The following C1D variants were observed in gnomAD, a reference collection of about 807,000 sequenced individuals.
The protein encoded by C1D is nuclear nucleic acid-binding protein C1D.
C1D carries 10 observed loss-of-function variants against 17.5 expected under a neutral mutation model. The observed-to-expected ratio is 0.57, with a 90% CI of 0.35 to 0.97. C1D has a LOEUF of 0.97. C1D is among the 50% of genes least tolerant of loss of function. The pLI is 0.01. For synonymous variants in C1D, 49 were observed against 54.0 expected (o/e 0.91, Z 0.40); for missense variants, 136 against 160.1 (o/e 0.85, Z 0.81).
At chr2:68,045,478 T>C (rs1671093566) in intron 4 of C1D, among the ~76,000 whole-genome samples, 1 of 152,182 alleles carries the variant, frequency 6.6e-6, no homozygotes, top group Admixed American at 6.5e-5. Context: ...AGAAGATTTA[T>C]TACAGGTTGT....
intron 4 of C1D, 97 bp from the exon 5 acceptor site, chr2:68,043,150 T>A: frequency 1.1e-6 from 1 of 882,020 alleles, no homozygotes; most frequent in Non-Finnish European, 1.7e-6. Context: ...AACATATATG[T>A]ATTTATTGCC....
At chr2:68,048,049 G>T (rs1347215436) in intron 1 of C1D, among the ~76,000 whole-genome samples, 1 of 151,706 alleles carries the variant, frequency 6.6e-6, no homozygotes, top group African/African-American at 2.4e-5. Context: ...TATTCCTTAA[G>T]CTTCTTTAAA....
chr2:68,046,782 G>A (rs1210476640), intron 2 of C1D, among the ~76,000 whole-genome samples: 2 of 152,098 alleles, frequency 1.3e-5, no homozygotes, highest in African/African-American at 2.4e-5. Context: ...TAAGAAGCAG[G>A]CTTAGGCAAT....
intron 1 of C1D, among the ~76,000 whole-genome samples, chr2:68,052,730 G>C (rs1671325788): frequency 6.6e-6 from 1 of 152,062 alleles, no homozygotes; most frequent in African/African-American, 2.4e-5. Context: ...AAAAATAAAG[G>C]CTCTTCTATT....
At chr2:68,047,139 A>T (rs1247882116) in intron 2 of C1D, 34 bp downstream of exon 2, 1 of 1,577,230 alleles carries the variant, frequency 6.3e-7, no homozygotes, top group South Asian at 1.1e-5. Context: ...TGTTTTATGA[A>T]ATTCATTTTT....
intron 1 of C1D, among the ~76,000 whole-genome samples, chr2:68,059,840 T>TCCTTTAACGACTGTCTCCGGTCTCA: frequency 6.6e-6 from 1 of 152,222 alleles, no homozygotes; most frequent in Non-Finnish European, 1.5e-5. Context: ...CTACATTTAC[T>TCCTTTAACGACTGTCTCCGGTCTCA]CCTTTAACGA....
chr2:68,060,632 G>C (rs1671598402), intron 1 of C1D, among the ~76,000 whole-genome samples: 1 of 142,258 alleles, frequency 7.0e-6, no homozygotes. Context: ...AACAGAGTGA[G>C]ACTCCAAAAG....
At chr2:68,043,097 G>T in intron 4 of C1D, 44 bp from the exon 5 acceptor site, 1 of 1,412,682 alleles carries the variant, frequency 7.1e-7, no homozygotes, top group Non-Finnish European at 9.7e-7. Flanking sequence ...TAAGCTATTC[G>T]CCACCACTGA....
intron 1 of C1D, among the ~76,000 whole-genome samples, chr2:68,055,547 A>G (rs1448929313): frequency 6.6e-6 from 1 of 152,238 alleles, no homozygotes; most frequent in Non-Finnish European, 1.5e-5. Context: ...CAAATGAAAT[A>G]CACAGACCTT....
chr2:68,049,553 G>A (rs1671224962), intron 1 of C1D, among the ~76,000 whole-genome samples: 1 of 152,238 alleles, frequency 6.6e-6, no homozygotes, highest in South Asian at 2.1e-4. Flanking sequence ...ATTAACCACA[G>A]AAAAAGAATT....
intron 1 of C1D, among the ~76,000 whole-genome samples, chr2:68,054,824 G>A (rs1671392298): frequency 6.6e-6 from 1 of 151,832 alleles, no homozygotes. Context: ...TAATTAGCTG[G>A]GCGTGATGGC....
chr2:68,052,906 T>C (rs1304237037), intron 1 of C1D, among the ~76,000 whole-genome samples: 1 of 152,214 alleles, frequency 6.6e-6, no homozygotes, highest in African/African-American at 2.4e-5. Flanking sequence ...CAGCAAACTC[T>C]TGAATAGCAC....
chr2:68,047,451 T>C (rs1422716069), intron 1 of C1D, 132 bp from the exon 2 acceptor site: 1 of 614,144 alleles, frequency 1.6e-6, no homozygotes, highest in Admixed American at 3.9e-5. Context: ...ACAAATCTTT[T>C]TAAAATTTAA....
chr2:68,053,311 C>A, intron 1 of C1D: 2 of 1,193,958 alleles, frequency 1.7e-6, no homozygotes, highest in East Asian at 2.6e-5. Context: ...GCCAAAGTAC[C>A]GATAGGAGAA....
chr2:68,061,931 T>A (rs1435340000), intron 1 of C1D, among the ~76,000 whole-genome samples: 1 of 152,246 alleles, frequency 6.6e-6, no homozygotes, highest in Non-Finnish European at 1.5e-5. Flanking sequence ...TTCACACTTG[T>A]CACTATCTTT....
Position 68,041,221 on chromosome 2 carries a change from TGAAA to T in C1D, c.*1664_*1667del, listed in dbSNP as rs1029876383. ...TCAAACTTTTATTTCTACCTAATAATGAAAGAATTACTCACTTAAAAGTTACACA... is the reference window on the plus strand; with the variant it reads ...TCAAACTTTTATTTCTACCTAATAATGAATTACTCACTTAAAAGTTACACA... On this transcript the variant is annotated 3_prime_UTR_variant, in exon 5 of 5. Coordinates refer to ENST00000410067, the MANE Select transcript of C1D (RefSeq NM_173177.3). 31 of 152,128 alleles carry T rather than the reference TGAAA, an allele frequency of 2.0e-4. No individual in the cohort carries two copies. The highest frequency in any genetic ancestry group is 7.2e-4 in the African/African-American group (30 of 41,568). The allele number at this position is 152,128 out of a possible 1,614,324, so 9.4% of individuals were successfully genotyped here. A position where few individuals can be genotyped will look rare whatever the true frequency, so the allele number is the denominator to read the frequency against.
At position 68,042,284 on chromosome 2, in the gene C1D, T is replaced by C. The variant is rs1422843411; in HGVS notation, c.*605A>G. ...CATCAACATACAACCTTATTTCCCATCTAAAGTTAATGAGAATGTATTTTA... is the reference window on the plus strand; with the variant it reads ...CATCAACATACAACCTTATTTCCCACCTAAAGTTAATGAGAATGTATTTTA... On this transcript the variant is annotated 3_prime_UTR_variant, in exon 5 of 5. Transcript: ENST00000410067. The C allele has an allele frequency of 6.6e-6, 1 of 152,544 alleles. No homozygotes were observed. Among genetic ancestry groups the C allele is most frequent in the Non-Finnish European group, 1.5e-5 (1 of 67,970 alleles). 9.4% of individuals were successfully genotyped at this position (152,544 alleles called of 1,614,324 possible). A position where few individuals can be genotyped will look rare whatever the true frequency, so the allele number is the denominator to read the frequency against.
chr2:68,052,074 T>C (rs1224703435), intron 1 of C1D, among the ~76,000 whole-genome samples: 1 of 152,088 alleles, frequency 6.6e-6, no homozygotes, highest in East Asian at 1.9e-4. Flanking sequence ...TATTCATCCT[T>C]GAGAATATTA....
At chr2:68,050,990 C>A (rs1314176123) in intron 1 of C1D, among the ~76,000 whole-genome samples, 4 of 152,156 alleles carry the variant, frequency 2.6e-5, no homozygotes, top group Non-Finnish European at 5.9e-5. Flanking sequence ...CTTTAATACA[C>A]ACCCAGAATC....
Sources: allele counts gnomAD v4.1 joint callset (sites outside exome capture counted in the v4.1 genomes callset), GRCh38; gene constraint gnomAD v4.1.1; transcripts MANE v1.5; gene names NCBI Gene and HGNC (gene_info 2026-07-23, HGNC 2026-07-21).